VPS13D: variants seen among roughly 807,000 people sequenced by gnomAD.
The protein encoded by VPS13D is intermembrane lipid transfer protein VPS13D.
VPS13D carries 187 observed loss-of-function variants against 461.9 expected under a neutral mutation model. That is an observed-to-expected ratio of 0.40 (90% CI 0.36 to 0.46). The LOEUF (loss-of-function observed/expected upper bound fraction) is 0.46, where lower values mean the gene tolerates loss of function less well. Among genes scored for constraint, VPS13D ranks in the 20% least tolerant of loss-of-function variants. The pLI is 0.60. For synonymous variants in VPS13D, 1,951 were observed against 1,986.3 expected (o/e 0.98, Z 0.47); for missense variants, 4,711 against 5,364.9 (o/e 0.88, Z 3.81).
intron 5 of VPS13D, 151 bp downstream of exon 5, chr1:12,244,768 T>C: frequency 1.5e-6 from 1 of 687,472 alleles, no homozygotes; most frequent in Non-Finnish European, 2.4e-6. Context: ...TTTTGTAGGC[T>C]GTGCCAAGAG....
Position 12,299,827 on chromosome 1 carries a change from G to T in VPS13D, c.6216+443G>T, listed in dbSNP as rs1225083251. Among the ~76,000 whole-genome samples, 1 of 151,372 alleles carries T rather than the reference G, an allele frequency of 6.6e-6. No homozygotes were observed. The highest frequency in any genetic ancestry group is 1.5e-5 in the Non-Finnish European group (1 of 67,916). ...GACGTGATTGGCCCGTGGTTTACTT[G>T]AAGCCATTTAAAAATGTCTTAATAA... On this transcript the variant is annotated intron_variant, in intron 25 of 69. Coordinates refer to ENST00000620676, the MANE Select transcript of VPS13D (RefSeq NM_015378.4). The surrounding 1 kb of genome is among the most constrained non-coding windows in gnomAD (Gnocchi z 4.2).
At chr1:12,477,268 A>G (rs1016448269) in intron 67 of VPS13D, among the ~76,000 whole-genome samples, 5 of 151,972 alleles carry the variant, frequency 3.3e-5, no homozygotes, top group South Asian at 2.1e-4. Context: ...TTTTTTCTCT[A>G]TGTTCCTCCT....
rs545384472 is a variant in VPS13D, at chr1:12,398,924, C to A, written c.11635-1257C>A. Among the ~76,000 whole-genome samples the A allele has an allele frequency of 2.0e-5, 3 of 152,262 alleles. No individual in the cohort carries two copies. The South Asian group carries it at 6.2e-4, about 32-fold the overall frequency. ...GACCGAGATTCAAGTTCTAGTTTTG[C>A]CACTGACCAGCAGTGTGACCTGAAG... On this transcript the variant is annotated intron_variant, in intron 60 of 69. Transcript: ENST00000620676.
At chr1:12,331,483 G>A (rs900938580) in intron 37 of VPS13D, among the ~76,000 whole-genome samples, 7 of 151,700 alleles carry the variant, frequency 4.6e-5, no homozygotes, top group Non-Finnish European at 7.4e-5. Context: ...CGAGGTGGGC[G>A]GATCATCAGG....
intron 52 of VPS13D, among the ~76,000 whole-genome samples, chr1:12,364,161 C>T (rs1366352961): frequency 6.6e-6 from 1 of 151,718 alleles, no homozygotes; most frequent in East Asian, 1.9e-4. Context: ...GAAATAATCC[C>T]CCAAACTCTT....
intron 25 of VPS13D, among the ~76,000 whole-genome samples, chr1:12,301,816 C>T (rs769314934): frequency 6.6e-6 from 1 of 152,168 alleles, no homozygotes; most frequent in African/African-American, 2.4e-5. Flanking sequence ...CCAGTTATCT[C>T]GTTAACATAC....
chr1:12,479,567 G>A (rs994144855), intron 67 of VPS13D, among the ~76,000 whole-genome samples: 4 of 152,182 alleles, frequency 2.6e-5, no homozygotes, highest in African/African-American at 9.7e-5. Context: ...GGAAAGTTGA[G>A]GCACACAGGG....
In VPS13D at chr1:12,358,528, G is replaced by T; in HGVS notation, c.10068G>T (p.Leu3356=). The change falls in exon 50 of 70, where the codon CTG becomes CTT. Residue 3356 remains leucine, a synonymous_variant. Transcript: ENST00000620676. Reference sequence around the variant, plus strand: ...CGGGCTGGTGTCAGGGCTTCTCCCTGGATGGTGGTAGTGGTGTCCGAGCTT... The same window carrying T: ...CGGGCTGGTGTCAGGGCTTCTCCCTTGATGGTGGTAGTGGTGTCCGAGCTT... ...GMPGWCQGFS[L]DGGSGVRALK... 3 of 1,614,210 alleles carry T rather than the reference G, an allele frequency of 1.9e-6. No homozygotes were observed. Among genetic ancestry groups the T allele is most frequent in the African/African-American group, 1.3e-5 (1 of 75,048 alleles).
At chr1:12,329,734 G>C in intron 36 of VPS13D, 95 bp from the exon 37 acceptor site, 1 of 831,296 alleles carries the variant, frequency 1.2e-6, no homozygotes, top group Non-Finnish European at 2.0e-6. Flanking sequence ...TCTCCTTTGC[G>C]AGTATTAGCT....
rs1641288922 is a variant in VPS13D at position 12,266,896 on chromosome 1, C to G, written c.1610C>G (p.Ala537Gly). Reference protein sequence around the residue: ...QLEFSDVKLLAESLPRRNSSL... With the variant: ...QLEFSDVKLLGESLPRRNSSL... ...TCTTTTATAGATGTAAAACTTCTAGCAGAGTCTCTTCCTCGAAGAAATTCC... is the reference window on the plus strand; with the variant it reads ...TCTTTTATAGATGTAAAACTTCTAGGAGAGTCTCTTCCTCGAAGAAATTCC... Residue 537 changes from alanine (A) to glycine (G), a missense_variant, in exon 14 of 70, where the codon GCA (alanine) becomes GGA (glycine). Coordinates refer to ENST00000620676, the MANE Select transcript of VPS13D (RefSeq NM_015378.4). 6 of 1,595,774 alleles carry G rather than the reference C, an allele frequency of 3.8e-6. No homozygotes were observed. Among genetic ancestry groups the G allele is most frequent in the Non-Finnish European group, 4.3e-6 (5 of 1,172,956 alleles).
intron 49 of VPS13D, among the ~76,000 whole-genome samples, chr1:12,357,637 T>G (rs906282857): frequency 3.3e-5 from 5 of 152,234 alleles, no homozygotes; most frequent in Admixed American, 6.5e-5. Context: ...GTGGTAGAGC[T>G]GGAACACACA....
chr1:12,261,866 T>G, intron 12 of VPS13D, 35 bp from the exon 13 acceptor site: 3 of 1,545,646 alleles, frequency 1.9e-6, no homozygotes, highest in Non-Finnish European at 2.6e-6. Flanking sequence ...TTCTTCCACG[T>G]TTTTTCTTAC....
At position 12,507,321 on chromosome 1, in the gene VPS13D, A is replaced by G. The variant is rs752136263; in HGVS notation, c.13035+228A>G. The G allele has an allele frequency of 2.6e-6, 2 of 779,376 alleles. No homozygotes were observed. The highest frequency in any genetic ancestry group is 2.7e-5 in the South Asian group (2 of 74,328). 48.3% of individuals were successfully genotyped at this position (779,376 alleles called of 1,614,324 possible). A position where few individuals can be genotyped will look rare whatever the true frequency, so the allele number is the denominator to read the frequency against. ...TGACCCTGGGAACATTAACTGCCTCACAACGTTTGTGCCTCAGTTACCCGT... is the reference window on the plus strand; with the variant it reads ...TGACCCTGGGAACATTAACTGCCTCGCAACGTTTGTGCCTCAGTTACCCGT... On this transcript the variant is annotated intron_variant, in intron 69 of 69. Coordinates refer to ENST00000620676, the MANE Select transcript of VPS13D (RefSeq NM_015378.4). This position sits in a 1 kb window ranked among gnomAD's most constrained non-coding sequence, Gnocchi z 5.3.
intron 2 of VPS13D, among the ~76,000 whole-genome samples, chr1:12,237,503 T>G (rs928787735): frequency 1.6e-4 from 23 of 147,244 alleles, no homozygotes; most frequent in Non-Finnish European, 3.3e-4. Context: ...CCCAAAAATT[T>G]TCACTTGTTC....
chr1:12,239,945 G>A (rs1025049951), intron 2 of VPS13D, among the ~76,000 whole-genome samples: 1 of 152,068 alleles, frequency 6.6e-6, no homozygotes, highest in Non-Finnish European at 1.5e-5. Flanking sequence ...CATTTATAAA[G>A]CACTCAGTAC....
chr1:12,336,015 A>C, intron 39 of VPS13D, 188 bp downstream of exon 39: 2 of 731,714 alleles, frequency 2.7e-6, no homozygotes, highest in Non-Finnish European at 2.1e-6. Context: ...GAACTTATAA[A>C]TGTGGGCTGT....
In VPS13D at chr1:12,473,735, C is replaced by G. The variant is rs1645593428; in HGVS notation, c.12662+13339C>G. ...TCCCTAGCTCTTACTTAAATTCAAC[C>G]CTGTCCCCGAATTCTTGCTGACCAC... On this transcript the variant is annotated intron_variant, in intron 67 of 69. Coordinates refer to ENST00000620676, the MANE Select transcript of VPS13D (RefSeq NM_015378.4). This position sits in a 1 kb window ranked among gnomAD's most constrained non-coding sequence, Gnocchi z 4.2. Among the ~76,000 whole-genome samples, 1 of 152,096 alleles carries G rather than the reference C, an allele frequency of 6.6e-6. No individual in the cohort carries two copies. The highest frequency in any genetic ancestry group is 6.6e-5 in the Admixed American group (1 of 15,258).
At chr1:12,486,712 GC>G (rs1472751211) in intron 67 of VPS13D, among the ~76,000 whole-genome samples, 1 of 152,156 alleles carries the variant, frequency 6.6e-6, no homozygotes, top group Non-Finnish European at 1.5e-5. Context: ...CCAACGCCCT[GC>G]CTTTCTCTGG....
chr1:12,444,945 C>A (rs1409620195), intron 65 of VPS13D, among the ~76,000 whole-genome samples: 1 of 152,194 alleles, frequency 6.6e-6, no homozygotes, highest in Non-Finnish European at 1.5e-5. Flanking sequence ...CCCATGCATA[C>A]CTCCCCTGCA....
Sources: gnomAD v4.1 joint callset for allele counts (sites outside exome capture counted in the v4.1 genomes callset) on GRCh38, gnomAD v4.1.1 for gene constraint, Gnocchi (gnomAD v3.1) non-coding constraint, MANE v1.5 for transcripts, NCBI Gene and HGNC (gene_info 2026-07-23, HGNC 2026-07-21) for gene names.